Variants in SESTD1 observed in about 807,000 individuals in gnomAD.
The protein encoded by SESTD1 is SEC14 domain and spectrin repeat-containing protein 1.
A neutral mutation model predicts 101.7 loss-of-function variants in SESTD1; 43 were observed. The ratio of observed to expected loss-of-function variants is 0.42; its 90% CI spans 0.33 to 0.55. The LOEUF is 0.55. SESTD1 is among the 20% of genes least tolerant of loss of function. SESTD1 has a pLI of 0.07. For missense variants in SESTD1, 647 were observed against 815.1 expected (o/e 0.79, Z 2.51); for synonymous variants, 283 against 286.8 (o/e 0.99, Z 0.13).
At position 179,191,820 on chromosome 2, in the gene SESTD1, G is replaced by T. The variant is rs61754495; in HGVS notation, c.22C>A (p.Pro8Thr). 1,539 of 1,612,684 alleles carry T rather than the reference G, an allele frequency of 9.5e-4. 15 individuals carry two copies. The African/African-American group carries it at 0.018, about 19-fold the overall frequency. The change falls in exon 2 of 18, where the codon CCC becomes ACC. Residue 8 changes from proline (P) to threonine (T), a missense_variant. Physicochemically the swap from Pro to Thr is conservative, Grantham distance 38. Transcript: ENST00000428443. MEASVIL[P>T]ILKKKLAFLS... ...AAGGCTAGTTTTTTCTTCAGAATGG[G>T]TAATATTACTGAGGCCTCCATTTTA...
intron 1 of SESTD1, among the ~76,000 whole-genome samples, chr2:179,259,805 A>G (rs938397117): frequency 6.6e-6 from 1 of 152,224 alleles, no homozygotes; most frequent in Non-Finnish European, 1.5e-5. Context: ...TAACTGCCCT[A>G]TAAGTGTTAT....
intron 1 of SESTD1, among the ~76,000 whole-genome samples, chr2:179,238,064 C>T (rs1162944242): frequency 2.6e-5 from 4 of 152,048 alleles, no homozygotes; most frequent in African/African-American, 4.8e-5. Flanking sequence ...GTACTATATA[C>T]AATATTCTTA....
At chr2:179,145,409 A>G (rs540888341) in intron 8 of SESTD1, among the ~76,000 whole-genome samples, 1 of 152,352 alleles carries the variant, frequency 6.6e-6, no homozygotes, top group East Asian at 1.9e-4. Context: ...AATTGGAATG[A>G]CAATAGTATC....
chr2:179,117,415 A>G, intron 14 of SESTD1, 117 bp downstream of exon 14: 1 of 816,272 alleles, frequency 1.2e-6, no homozygotes, highest in Non-Finnish European at 1.9e-6. Context: ...ATAAACTAGA[A>G]CCTGACTTCA....
At chr2:179,208,572 C>T (rs1271141883) in intron 1 of SESTD1, among the ~76,000 whole-genome samples, 1 of 134,938 alleles carries the variant, frequency 7.4e-6, no homozygotes, top group Non-Finnish European at 1.6e-5. Flanking sequence ...CTATCTTTAG[C>T]CTCCTTAATC....
rs377450333 is a variant in SESTD1, at chr2:179,175,352, TC to T, written c.255+1095del. 4.2e-3 allele frequency among the ~76,000 whole-genome samples: 645 copies of T among 152,314 alleles called. 2 individuals carry two copies. Among genetic ancestry groups the T allele is most frequent in the African/African-American group, 0.014 (596 of 41,558 alleles). On this transcript the variant is annotated intron_variant, in intron 4 of 17. Transcript: ENST00000428443. ...AATGATAAAACGTTAAAAACCATTC[TC>T]CTTAATTATCATTTAAATTTTAAAA...
chr2:179,182,531 T>C (rs1447099067), intron 3 of SESTD1, among the ~76,000 whole-genome samples: 1 of 150,820 alleles, frequency 6.6e-6, no homozygotes, highest in East Asian at 1.9e-4. Context: ...GGAAGCTTTA[T>C]TTTTTTTTGT....
intron 7 of SESTD1, among the ~76,000 whole-genome samples, chr2:179,148,945 A>G (rs1204583856): frequency 2.0e-5 from 3 of 151,496 alleles, no homozygotes; most frequent in Non-Finnish European, 4.4e-5. Context: ...CTGTAGTCCC[A>G]GCTACTGGAG....
rs2046690999 is a variant in SESTD1 at position 179,214,387 on chromosome 2, C to A, written c.-25-22521G>T. Among the ~76,000 whole-genome samples, 2 of 134,120 alleles carry A rather than the reference C, an allele frequency of 1.5e-5. 1 individual carries two copies. The highest frequency in any genetic ancestry group is 5.9e-5 in the African/African-American group (2 of 33,790). 88.0% of individuals were successfully genotyped at this position (134,120 alleles called of 152,430 possible). A position where few individuals can be genotyped will look rare whatever the true frequency, so the allele number is the denominator to read the frequency against. ...CAAAGATCAAAACAGACAAAGAAGG[C>A]CACTACGTAATGGTAAAGGAATGGT... On this transcript the variant is annotated intron_variant, in intron 1 of 17. Transcript: ENST00000428443.
intron 1 of SESTD1, among the ~76,000 whole-genome samples, chr2:179,244,487 A>C (rs1445813052): frequency 6.6e-6 from 1 of 151,772 alleles, no homozygotes; most frequent in African/African-American, 2.4e-5. Context: ...AAAAAAAAAA[A>C]CATGGAGGCC....
intron 13 of SESTD1, among the ~76,000 whole-genome samples, chr2:179,117,995 A>C (rs1242075970): frequency 6.6e-6 from 1 of 152,054 alleles, no homozygotes; most frequent in African/African-American, 2.4e-5. Flanking sequence ...TTTTGAGACA[A>C]GGTCTCACTC....
intron 3 of SESTD1, among the ~76,000 whole-genome samples, chr2:179,181,439 T>C (rs903681236): frequency 6.6e-6 from 1 of 152,220 alleles, no homozygotes; most frequent in Non-Finnish European, 1.5e-5. Context: ...GGAAAGATAA[T>C]ACAGTCTCTG....
chr2:179,223,861 T>G (rs1226504309), intron 1 of SESTD1, among the ~76,000 whole-genome samples: 1 of 152,234 alleles, frequency 6.6e-6, no homozygotes, highest in Non-Finnish European at 1.5e-5. Context: ...GATTTGCATT[T>G]TATTTTTAAT....
chr2:179,110,860 T>C (rs903991683), intron 17 of SESTD1, among the ~76,000 whole-genome samples: 15 of 152,230 alleles, frequency 9.9e-5, no homozygotes, highest in African/African-American at 3.6e-4. Flanking sequence ...TAAGTTTTAA[T>C]ATGAATATAA....
intron 7 of SESTD1, among the ~76,000 whole-genome samples, chr2:179,148,389 G>A (rs1459211325): frequency 6.6e-6 from 1 of 152,196 alleles, no homozygotes; most frequent in African/African-American, 2.4e-5. Context: ...AGGAGGACTT[G>A]CTCTACCAAC....
At chr2:179,160,482 A>G (rs2045714377) in intron 5 of SESTD1, among the ~76,000 whole-genome samples, 1 of 151,622 alleles carries the variant, frequency 6.6e-6, no homozygotes, top group African/African-American at 2.4e-5. Context: ...ATTAGATTAT[A>G]TTAATTTAAA....
At chr2:179,257,529 T>G (rs1288390941) in intron 1 of SESTD1, among the ~76,000 whole-genome samples, 1 of 152,248 alleles carries the variant, frequency 6.6e-6, no homozygotes, top group African/African-American at 2.4e-5. Context: ...TTTGCTTTAC[T>G]GTGGTGGTCT....
chr2:179,254,724 ATC>A (rs1349732511), intron 1 of SESTD1, among the ~76,000 whole-genome samples: 3 of 152,316 alleles, frequency 2.0e-5, no homozygotes, highest in South Asian at 4.1e-4. Flanking sequence ...CACTATATTA[ATC>A]TGTTTGCCTC....
At chr2:179,148,099 TCA>T (rs994957156) in intron 7 of SESTD1, among the ~76,000 whole-genome samples, 2 of 152,236 alleles carry the variant, frequency 1.3e-5, no homozygotes, top group African/African-American at 2.4e-5. Flanking sequence ...CCGTTTGTTT[TCA>T]CAGTTTGACT....
Sources: gnomAD v4.1 joint callset for allele counts (sites outside exome capture counted in the v4.1 genomes callset) on GRCh38, gnomAD v4.1.1 for gene constraint, MANE v1.5 for transcripts, NCBI Gene and HGNC (gene_info 2026-07-23, HGNC 2026-07-21) for gene names.